The following MMS22L variants were observed in gnomAD, a reference collection of about 807,000 sequenced individuals.
MMS22L encodes MMS22 like, DNA repair protein, also known as protein MMS22-like.
MMS22L carries 74 observed loss-of-function variants against 159.1 expected under a neutral mutation model. The observed-to-expected ratio is 0.47, with a 90% CI of 0.39 to 0.56. The LOEUF is 0.56. Among genes scored for constraint, MMS22L ranks in the 20% least tolerant of loss-of-function variants. The probability of loss-of-function intolerance (pLI) is 0.00; values close to 1 mark genes in which losing one functional copy is unlikely to be tolerated. For synonymous variants in MMS22L, 517 were observed against 506.9 expected (o/e 1.02, Z -0.27); for missense variants, 1,351 against 1,422.1 (o/e 0.95, Z 0.80).
chr6:97,202,163 G>C (rs1450231126), intron 14 of MMS22L, among the ~76,000 whole-genome samples: 1 of 152,114 alleles, frequency 6.6e-6, no homozygotes, highest in Non-Finnish European at 1.5e-5. Flanking sequence ...AAACAACTGA[G>C]TAATCACTCA....
At chr6:97,184,914 C>T (rs957606378) in intron 15 of MMS22L, among the ~76,000 whole-genome samples, 2 of 152,262 alleles carry the variant, frequency 1.3e-5, no homozygotes, top group Middle Eastern at 3.4e-3. Context: ...CAAGGCAGAA[C>T]ACAAACTAGC....
intron 22 of MMS22L, among the ~76,000 whole-genome samples, chr6:97,156,814 G>A (rs1801902203): frequency 6.6e-6 from 1 of 151,912 alleles, no homozygotes; most frequent in Non-Finnish European, 1.5e-5. Context: ...CTTTTTTTTG[G>A]TTCCATATGA....
Position 97,229,013 on chromosome 6 carries a change from G to C in MMS22L, c.1920C>G (p.Cys640Trp). ...GCAGTTTTTCATGGGAAGGATACAA[G>C]CAATAGCTGGTCTCAAACACTTCTT... ...GVQEVFETSY[C>W]LYPSHEKLLN... is the part of the protein sequence containing the mutation. The change falls in exon 14 of 25, where the codon TGC (cysteine) becomes TGG (tryptophan). Residue 640 changes from cysteine to tryptophan, a missense_variant. Cys to Trp is a radical substitution (Grantham distance 215). Transcript: ENST00000683635. The C allele has an allele frequency of 1.2e-6, 2 of 1,614,092 alleles. No individual in the cohort carries two copies. Among genetic ancestry groups the C allele is most frequent in the Non-Finnish European group, 1.7e-6 (2 of 1,179,998 alleles).
At chr6:97,253,756 G>A (rs995069821) in intron 10 of MMS22L, 5 of 152,052 alleles carry the variant, frequency 3.3e-5, no homozygotes, top group African/African-American at 9.7e-5. Context: ...CACTGCAGCT[G>A]GACTAGATAC....
At chr6:97,155,667 T>A (rs1416606873) in intron 22 of MMS22L, among the ~76,000 whole-genome samples, 1 of 152,210 alleles carries the variant, frequency 6.6e-6, no homozygotes, top group African/African-American at 2.4e-5. Flanking sequence ...GGCTGCATAG[T>A]ATTCCATGGT....
chr6:97,179,293 TA>T, intron 17 of MMS22L, 114 bp downstream of exon 17: 1 of 871,202 alleles, frequency 1.1e-6, no homozygotes, highest in Non-Finnish European at 1.7e-6. Context: ...CTTGTATTCA[TA>T]CCCAATTACG....
chr6:97,278,402 CAAA>C (rs76586542), intron 4 of MMS22L, among the ~76,000 whole-genome samples: 2 of 75,916 alleles, frequency 2.6e-5, no homozygotes, highest in Non-Finnish European at 2.7e-5. Flanking sequence ...AACTCCCTAT[CAAA>C]AAAAAAAAAA....
chr6:97,229,415 T>C lies in MMS22L; in HGVS notation c.1530-12A>G. ...ATTTTGAATATATTCTGTAAAACAT[T>C]AAAAAATGCTTTAATAAAATTGTTT... On this transcript the variant is annotated splice_polypyrimidine_tract_variant and intron_variant, in intron 13 of 24. Transcript: ENST00000683635. 8.8e-6 allele frequency: 13 copies of C among 1,481,774 alleles called. No individual in the cohort carries two copies. The highest frequency in any genetic ancestry group is 1.1e-5 in the Non-Finnish European group (12 of 1,109,318). The allele number at this position is 1,481,774 out of a possible 1,614,324, so 91.8% of individuals were successfully genotyped here.
chr6:97,167,462 T>A (rs1016017685), intron 20 of MMS22L, among the ~76,000 whole-genome samples: 2 of 152,154 alleles, frequency 1.3e-5, no homozygotes, highest in African/African-American at 4.8e-5. Flanking sequence ...TTCCAAAACC[T>A]CCACACCAAT....
chr6:97,168,155 C>A lies in MMS22L; in HGVS notation c.2925G>T (p.Leu975=), dbSNP rs1308086206. 6.2e-7 allele frequency: 1 copy of A among 1,612,732 alleles called. No individual in the cohort carries two copies. Among genetic ancestry groups the A allele is most frequent in the African/African-American group, 1.3e-5 (1 of 74,808 alleles). Residue 975 remains leucine, a synonymous_variant, in exon 20 of 25, where the codon CTG becomes CTT. Coordinates refer to ENST00000683635, the MANE Select transcript of MMS22L (RefSeq NM_001350599.2). The part of the protein sequence containing the change: ...LLFRIIDCLL[L]PHAVLQQEKE... Reference sequence around the variant, plus strand: ...TCTCTTGCTGTAATACTGCATGTGGCAGCAGTAAACAATCTATGATCCGGA... The same window carrying A: ...TCTCTTGCTGTAATACTGCATGTGGAAGCAGTAAACAATCTATGATCCGGA...
chr6:97,269,414 C>T (rs145352167), intron 7 of MMS22L, among the ~76,000 whole-genome samples: 123 of 152,018 alleles, frequency 8.1e-4, no homozygotes, highest in African/African-American at 2.1e-3. Context: ...ATAACTTGTA[C>T]GCAGATTAAA....
chr6:97,181,757 G>A (rs1267711837), intron 16 of MMS22L, 147 bp downstream of exon 16: 2 of 691,968 alleles, frequency 2.9e-6, no homozygotes, highest in Non-Finnish European at 4.4e-6. Context: ...ACTGTCGAAA[G>A]GCTGATATAT....
At chr6:97,254,482 CT>C in intron 10 of MMS22L, 74 bp downstream of exon 10, 1 of 1,230,498 alleles carries the variant, frequency 8.1e-7, no homozygotes, top group East Asian at 2.6e-5. Flanking sequence ...TTTCTGCTCA[CT>C]TATTTTCTAA....
intron 14 of MMS22L, among the ~76,000 whole-genome samples, chr6:97,195,963 G>A (rs1806452696): frequency 6.6e-6 from 1 of 152,152 alleles, no homozygotes; most frequent in Admixed American, 6.5e-5. Context: ...GAGAAAAACT[G>A]AAAGTTACGA....
intron 13 of MMS22L, 99 bp from the exon 14 acceptor site, chr6:97,229,502 T>A: frequency 1.2e-6 from 1 of 832,760 alleles, no homozygotes; most frequent in Non-Finnish European, 1.8e-6. Flanking sequence ...ACAATCTCAT[T>A]AAATTTTAAG....
chr6:97,185,667 T>C (rs1461322733), intron 15 of MMS22L, among the ~76,000 whole-genome samples: 1 of 152,154 alleles, frequency 6.6e-6, no homozygotes, highest in Non-Finnish European at 1.5e-5. Flanking sequence ...ATTCAAAATC[T>C]TTTCAAATTT....
chr6:97,241,987 T>C (rs1812125638), intron 11 of MMS22L, among the ~76,000 whole-genome samples: 2 of 152,192 alleles, frequency 1.3e-5, no homozygotes, highest in South Asian at 4.1e-4. Flanking sequence ...ATAATTTCAA[T>C]TTTTTAAAAA....
At chr6:97,221,817 T>G (rs547067285) in intron 14 of MMS22L, among the ~76,000 whole-genome samples, 1 of 151,962 alleles carries the variant, frequency 6.6e-6, no homozygotes, top group Admixed American at 6.6e-5. Context: ...AAAATTTCCA[T>G]AAAATTATAT....
chr6:97,200,978 A>ATTTC (rs1807085889), intron 14 of MMS22L, among the ~76,000 whole-genome samples: 2 of 152,154 alleles, frequency 1.3e-5, no homozygotes, highest in African/African-American at 4.8e-5. Context: ...TAACCCCTGA[A>ATTTC]AGTTACTCTT....
Sources: gnomAD v4.1 joint callset for allele counts (sites outside exome capture counted in the v4.1 genomes callset) on GRCh38, gnomAD v4.1.1 for gene constraint, MANE v1.5 for transcripts, NCBI Gene and HGNC (gene_info 2026-07-23, HGNC 2026-07-21) for gene names.